Variants in MYLK4 observed in about 807,000 individuals in gnomAD.
MYLK4 encodes myosin light chain kinase family member 4, also known as caMLCK like.
MYLK4 carries 46 observed loss-of-function variants against 48.1 expected under a neutral mutation model. That is an observed-to-expected ratio of 0.96 (90% CI 0.75 to 1.22). MYLK4 has a LOEUF of 1.22. Ranked by LOEUF, MYLK4 falls within the 50% of genes most tolerant of loss-of-function variation. The probability of loss-of-function intolerance (pLI) is 0.00; values close to 1 mark genes in which losing one functional copy is unlikely to be tolerated. For missense variants in MYLK4, 451 were observed against 486.1 expected (o/e 0.93, Z 0.68); for synonymous variants, 170 against 180.8 (o/e 0.94, Z 0.48).
rs566982598 is a variant in MYLK4, at chr6:2,675,176, G to A, written c.1041-51C>T. Reference sequence around the variant, plus strand: ...AGTAGAAACACACCGAAGAAGGCCTGTATCTGCTGTTCAATCTCAACTCCA... The same window carrying A: ...AGTAGAAACACACCGAAGAAGGCCTATATCTGCTGTTCAATCTCAACTCCA... On this transcript the variant is annotated intron_variant, in intron 10 of 12. Coordinates refer to ENST00000274643, the MANE Select transcript of MYLK4 (RefSeq NM_001012418.5). 1.1e-4 allele frequency: 145 copies of A among 1,333,192 alleles called. No individual in the cohort carries two copies. The South Asian group carries it at 1.7e-3, about 16-fold the overall frequency. The allele number at this position is 1,333,192 out of a possible 1,614,324, so 82.6% of individuals were successfully genotyped here. A position where few individuals can be genotyped will look rare whatever the true frequency, so the allele number is the denominator to read the frequency against.
chr6:2,770,324 A>G, the MYLK4 span: 1 of 1,614,124 alleles, frequency 6.2e-7, no homozygotes, highest in African/African-American at 1.3e-5. Context: ...TAGCCGTCCC[A>G]CTGACCCTCT....
At chr6:2,675,725 T>C (rs1761055170) in intron 10 of MYLK4, among the ~76,000 whole-genome samples, 1 of 152,216 alleles carries the variant, frequency 6.6e-6, no homozygotes, top group Non-Finnish European at 1.5e-5. Flanking sequence ...AGATTTACCA[T>C]ATTTAAATTC....
At chr6:2,767,385 G>A in the MYLK4 span, among the ~76,000 whole-genome samples, 2 of 152,218 alleles carry the variant, frequency 1.3e-5, no homozygotes, top group Admixed American at 6.5e-5. Flanking sequence ...TTGAGATTCA[G>A]ACTCGTTTGC....
chr6:2,724,967 A>G (rs1763203971), intron 2 of MYLK4, among the ~76,000 whole-genome samples: 1 of 152,192 alleles, frequency 6.6e-6, no homozygotes, highest in Non-Finnish European at 1.5e-5. Context: ...CCTGGCCAAC[A>G]TGATGAAACT....
the MYLK4 span, chr6:2,765,635 G>C: frequency 4.6e-6 from 7 of 1,537,144 alleles, no homozygotes; most frequent in Non-Finnish European, 6.1e-6. Context: ...GGAGGTGAGC[G>C]GGCCGGAAGA....
chr6:2,742,809 G>A (rs1368773007), intron 2 of MYLK4, among the ~76,000 whole-genome samples: 1 of 151,294 alleles, frequency 6.6e-6, no homozygotes, highest in Non-Finnish European at 1.5e-5. Flanking sequence ...CATGGCACAT[G>A]TATACATATG....
Position 2,685,443 on chromosome 6 carries a change from T to C in MYLK4, c.436-38A>G, listed in dbSNP as rs966232. 1,142,268 of 1,516,518 alleles carry C rather than the reference T, an allele frequency of 0.75. 409,813 individuals carry two copies. Among genetic ancestry groups the C allele is most frequent in the East Asian group, 0.9 (40,108 of 44,430 alleles). The allele number at this position is 1,516,518 out of a possible 1,614,324, so 93.9% of individuals were successfully genotyped here. On this transcript the variant is annotated intron_variant, in intron 5 of 12. Coordinates refer to ENST00000274643, the MANE Select transcript of MYLK4 (RefSeq NM_001012418.5). This position sits in a 1 kb window ranked among gnomAD's most constrained non-coding sequence, Gnocchi z 4.5. ...AAACAGTGCATTAGTGTGGTCAAGA[T>C]GGGGCGGGGAGGGAGGGGACCACCT...
chr6:2,688,306 G>A (rs959231670), intron 4 of MYLK4, among the ~76,000 whole-genome samples: 2 of 150,938 alleles, frequency 1.3e-5, no homozygotes, highest in Admixed American at 7.0e-5. Flanking sequence ...TGATCTGCCC[G>A]CCTCAGTTTC....
At chr6:2,725,563 G>GAAACAAAGAAAC (rs1161146892) in intron 2 of MYLK4, among the ~76,000 whole-genome samples, 1 of 123,506 alleles carries the variant, frequency 8.1e-6, no homozygotes, top group Non-Finnish European at 1.7e-5. Flanking sequence ...AACAAAGAAA[G>GAAACAAAGAAAC]AAAGAAAGAA....
intron 2 of MYLK4, among the ~76,000 whole-genome samples, chr6:2,697,928 C>G (rs1762127388): frequency 6.6e-6 from 1 of 152,230 alleles, no homozygotes; most frequent in Non-Finnish European, 1.5e-5. Flanking sequence ...GGCACGTTCA[C>G]TGTGAGAACA....
Position 2,673,343 on chromosome 6 carries a change from A to G in MYLK4, c.1119+1704T>C, listed in dbSNP as rs1760974443. Among the ~76,000 whole-genome samples, 1 of 152,248 alleles carries G rather than the reference A, an allele frequency of 6.6e-6. No individual in the cohort carries two copies. ...TTGACATCAGTACCAATTATCAAGG[A>G]AAGGTATATTCAGACACAAATAAAA... On this transcript the variant is annotated intron_variant, in intron 11 of 12. Coordinates refer to ENST00000274643, the MANE Select transcript of MYLK4 (RefSeq NM_001012418.5). The surrounding 1 kb of genome is among the most constrained non-coding windows in gnomAD (Gnocchi z 4.2).
upstream of MYLK4, among the ~76,000 whole-genome samples, chr6:2,753,899 A>C (rs980705335): frequency 6.6e-6 from 1 of 151,728 alleles, no homozygotes; most frequent in Non-Finnish European, 1.5e-5. Flanking sequence ...GGTGGCTCAC[A>C]CCTGTAATCC....
At chr6:2,704,769 G>C (rs1449488411) in intron 2 of MYLK4, among the ~76,000 whole-genome samples, 1 of 152,162 alleles carries the variant, frequency 6.6e-6, no homozygotes, top group East Asian at 1.9e-4. Flanking sequence ...GAAATGTCTG[G>C]TTAAATTTCT....
chr6:2,765,774 C>T, the MYLK4 span: 3 of 1,455,532 alleles, frequency 2.1e-6, no homozygotes, highest in African/African-American at 1.5e-5. Context: ...GCGGAGCCCG[C>T]GGCCGGGTCG....
At chr6:2,730,845 G>T (rs1228043954) in intron 2 of MYLK4, among the ~76,000 whole-genome samples, 1 of 152,176 alleles carries the variant, frequency 6.6e-6, no homozygotes, top group African/African-American at 2.4e-5. Context: ...GAAAGCGGGA[G>T]GTGTCATGAC....
intron 1 of MYLK4, 74 bp downstream of exon 1, chr6:2,750,662 A>G (rs1355450156): frequency 6.6e-6 from 1 of 152,228 alleles, no homozygotes; most frequent in African/African-American, 2.4e-5. Context: ...GTTTGGTACA[A>G]TTTGTTATTG....
chr6:2,684,457 T>C (rs886929380), intron 6 of MYLK4, among the ~76,000 whole-genome samples: 9 of 152,162 alleles, frequency 5.9e-5, no homozygotes, highest in Non-Finnish European at 1.0e-4. Context: ...GATACTATAC[T>C]TTTTATTCAA....
intron 10 of MYLK4, among the ~76,000 whole-genome samples, chr6:2,676,578 A>G (rs761344579): frequency 6.6e-6 from 1 of 152,244 alleles, no homozygotes; most frequent in Non-Finnish European, 1.5e-5. Flanking sequence ...CCAGAAATTT[A>G]TTCTATGATA....
the MYLK4 span, among the ~76,000 whole-genome samples, chr6:2,764,310 T>TC: frequency 6.6e-6 from 1 of 151,972 alleles, no homozygotes. Context: ...CCAGGACGAC[T>TC]CCAAAGGCTA....
Sources: gnomAD v4.1 joint callset for allele counts (sites outside exome capture counted in the v4.1 genomes callset) on GRCh38, gnomAD v4.1.1 for gene constraint, Gnocchi (gnomAD v3.1) non-coding constraint, MANE v1.5 for transcripts, NCBI Gene and HGNC (gene_info 2026-07-23, HGNC 2026-07-21) for gene names.